NCOA2: variants seen among roughly 807,000 people sequenced by gnomAD.
NCOA2 encodes the protein nuclear receptor coactivator 2, also known as class E basic helix-loop-helix protein 75.
Under a neutral mutation model 145.1 loss-of-function variants are expected in NCOA2, and 21 were observed. The ratio of observed to expected loss-of-function variants is 0.14; its 90% confidence interval spans 0.10 to 0.21. NCOA2 has a LOEUF of 0.21. Ranked by LOEUF, NCOA2 falls within the 10% of genes least tolerant of loss-of-function variation. The pLI is 1.00. For synonymous variants in NCOA2, 619 were observed against 637.5 expected (o/e 0.97, Z 0.44); for missense variants, 1,472 against 1,837.6 (o/e 0.80, Z 3.64).
intron 2 of NCOA2, among the ~76,000 whole-genome samples, chr8:70,224,948 C>T (rs1820483567): frequency 6.6e-6 from 1 of 151,798 alleles, no homozygotes; most frequent in African/African-American, 2.4e-5. Context: ...CCTCTGTTCC[C>T]CTACCCCTCT....
intron 1 of NCOA2, among the ~76,000 whole-genome samples, chr8:70,396,423 A>T (rs1305881205): frequency 3.3e-5 from 5 of 152,216 alleles, no homozygotes; most frequent in African/African-American, 4.8e-5. Context: ...TTACTGATCT[A>T]TGTTACTTCA....
rs139637971 is a variant in NCOA2, at chr8:70,186,670, CAAAT to C, written c.260-11815_260-11812del. 5.9e-3 allele frequency among the ~76,000 whole-genome samples: 896 copies of C among 152,226 alleles called. 8 individuals carry two copies. The highest frequency in any genetic ancestry group is 0.021 in the African/African-American group (852 of 41,532). ...TTAAAAGCAAGGTTTGCATATGTAA[CAAAT>C]AAACCTGATATGTATTTACAGACAA... On this transcript the variant is annotated intron_variant, in intron 4 of 22. Transcript: ENST00000452400.
chr8:70,435,750 TTTTC>T, the NCOA2 span, among the ~76,000 whole-genome samples: 2,161 of 151,456 alleles, frequency 0.014, 54 homozygotes, highest in African/African-American at 0.05. Context: ...CCTCTCTTTC[TTTTC>T]TTTATTTTAA....
intron 2 of NCOA2, chr8:70,273,437 G>A (rs199669690): frequency 1.5e-6 from 1 of 664,388 alleles, no homozygotes; most frequent in Non-Finnish European, 2.5e-6. Flanking sequence ...GCCCATTGGT[G>A]GAACTGCTCA....
At chr8:70,175,721 AACAAC>A (rs1271610475) in intron 4 of NCOA2, among the ~76,000 whole-genome samples, 1 of 152,262 alleles carries the variant, frequency 6.6e-6, no homozygotes, top group Non-Finnish European at 1.5e-5. Flanking sequence ...CTTGCTAGAA[AACAAC>A]ACAAAACAAC....
intron 1 of NCOA2, among the ~76,000 whole-genome samples, chr8:70,382,612 A>G (rs945293628): frequency 3.3e-5 from 5 of 152,214 alleles, no homozygotes; most frequent in South Asian, 2.1e-4. Flanking sequence ...AAGCTAGTAG[A>G]TATCTATTTT....
Position 70,128,477 on chromosome 8 carries a change from C to T in NCOA2, c.3637G>A (p.Val1213Ile), listed in dbSNP as rs1330709621. ...RQPLMNQISN[V>I]SNVNLTLRPG... ...CTCAGAGTCAAGTTCACATTGGAAA[C>T]ATTGCTGATTTGATTCATAAGTGGC... The change falls in exon 18 of 23, where the codon GTT (valine) becomes ATT (isoleucine). Residue 1213 changes from valine to isoleucine, a missense_variant. This residue lies in a region of NCOA2 where 953 missense variants were observed against 1,062.1 expected (regional missense o/e 0.90). Transcript: ENST00000452400. 1 of 1,613,098 alleles carries T rather than the reference C, an allele frequency of 6.2e-7. No individual in the cohort carries two copies. The highest frequency in any genetic ancestry group is 8.5e-7 in the Non-Finnish European group (1 of 1,179,536).
At chr8:70,318,899 G>T (rs1384997669) in intron 1 of NCOA2, among the ~76,000 whole-genome samples, 1 of 152,124 alleles carries the variant, frequency 6.6e-6, no homozygotes, top group East Asian at 1.9e-4. Context: ...GCAGAAAATG[G>T]GTGTTTTGTC....
intron 1 of NCOA2, among the ~76,000 whole-genome samples, chr8:70,364,916 T>C (rs1475896507): frequency 6.6e-6 from 1 of 151,964 alleles, no homozygotes; most frequent in African/African-American, 2.4e-5. Context: ...TACTCTGATG[T>C]GGTTCCAAGT....
At chr8:70,406,694 G>C (rs1814787427), upstream of NCOA2, among the ~76,000 whole-genome samples, 1 of 152,082 alleles carries the variant, frequency 6.6e-6, no homozygotes, top group Non-Finnish European at 1.5e-5. Context: ...ATATAACCTA[G>C]GAATAATCAG....
chr8:70,154,531 A>C (rs564084455), intron 11 of NCOA2, among the ~76,000 whole-genome samples: 1 of 152,278 alleles, frequency 6.6e-6, no homozygotes, highest in East Asian at 1.9e-4. Context: ...CAGCCTCCTG[A>C]GTAGCTGAGA....
rs557912456 is a variant in NCOA2 at position 70,162,850 on chromosome 8, C to A, written c.837G>T (p.Lys279Asn). The A allele has an allele frequency of 1.2e-6, 2 of 1,610,558 alleles. No individual in the cohort carries two copies. The highest frequency in any genetic ancestry group is 2.2e-5 in the East Asian group (1 of 44,812). ...SFTTRQDLQG[K>N]ITSLDTSTMR... The stretch of plus-strand genomic sequence containing the variant: ...TGGTGCTGGTATCCAGAGACGTGAT[C>A]TTGCCTATTAAGTAACAGCAGGCAT... Residue 279 changes from lysine (K) to asparagine (N), a missense_variant, in exon 9 of 23, where the codon AAG (lysine) becomes AAT (asparagine). Coordinates refer to ENST00000452400, the MANE Select transcript of NCOA2 (RefSeq NM_006540.4).
At chr8:70,251,986 G>T (rs1437164506) in intron 2 of NCOA2, among the ~76,000 whole-genome samples, 1 of 152,074 alleles carries the variant, frequency 6.6e-6, no homozygotes, top group Non-Finnish European at 1.5e-5. Context: ...AATGATATTT[G>T]CTTATAACCT....
At chr8:70,337,131 G>A (rs953554806) in intron 1 of NCOA2, among the ~76,000 whole-genome samples, 1 of 152,028 alleles carries the variant, frequency 6.6e-6, no homozygotes, top group African/African-American at 2.4e-5. Flanking sequence ...TTGAATACCT[G>A]GTATGGACTG....
At chr8:70,376,897 G>A (rs1811718891) in intron 1 of NCOA2, among the ~76,000 whole-genome samples, 1 of 152,218 alleles carries the variant, frequency 6.6e-6, no homozygotes, top group Non-Finnish European at 1.5e-5. Context: ...CATAGTCACT[G>A]ATGATGCCAG....
At chr8:70,131,002 T>C (rs1809031611) in intron 16 of NCOA2, among the ~76,000 whole-genome samples, 2 of 152,226 alleles carry the variant, frequency 1.3e-5, no homozygotes. Flanking sequence ...GGACTTCCTT[T>C]TTTATAGTAA....
At chr8:70,395,558 C>A (rs1251741256) in intron 1 of NCOA2, among the ~76,000 whole-genome samples, 1 of 152,198 alleles carries the variant, frequency 6.6e-6, no homozygotes, top group African/African-American at 2.4e-5. Context: ...AACATTTCGA[C>A]AATAACTGAA....
chr8:70,195,804 A>G (rs1179420454), intron 4 of NCOA2, among the ~76,000 whole-genome samples: 2 of 152,136 alleles, frequency 1.3e-5, no homozygotes, highest in Non-Finnish European at 2.9e-5. Context: ...TCTTCCCAAT[A>G]GCTGCTTCAC....
chr8:70,407,623 C>T (rs1419718419), upstream of NCOA2, among the ~76,000 whole-genome samples: 1 of 149,352 alleles, frequency 6.7e-6, no homozygotes, highest in Non-Finnish European at 1.5e-5. Context: ...CCCGTCTGTA[C>T]TAAAAATACA....
Sources: gnomAD v4.1 joint callset for allele counts (sites outside exome capture counted in the v4.1 genomes callset) on GRCh38, gnomAD v4.1.1 for gene constraint, gnomAD v4.1.1 regional missense constraint, MANE v1.5 for transcripts, NCBI Gene and HGNC (gene_info 2026-07-23, HGNC 2026-07-21) for gene names.